The following COL5A1 variants were observed in gnomAD, a reference collection of about 807,000 sequenced individuals.
The protein encoded by COL5A1 is collagen alpha-1(V) chain.
Under a neutral mutation model 263.7 loss-of-function variants are expected in COL5A1, and 16 were observed. That is an observed-to-expected ratio of 0.06 (90% CI 0.04 to 0.09). The LOEUF is 0.09. Ranked by LOEUF, COL5A1 falls within the 10% of genes least tolerant of loss-of-function variation. The pLI, the probability that COL5A1 is intolerant of heterozygous loss-of-function variation, is 1.00. For synonymous variants in COL5A1, 1,012 were observed against 1,004.5 expected (o/e 1.01, Z -0.14); for missense variants, 2,036 against 2,540.5 (o/e 0.80, Z 4.27).
At position 134,754,054 on chromosome 9, in the gene COL5A1, C is replaced by A. The variant is rs979525945; in HGVS notation, c.1773+151C>A. On this transcript the variant is annotated intron_variant, in intron 15 of 65. Transcript: ENST00000371817. The surrounding 1 kb of genome is among the most constrained non-coding windows in gnomAD (Gnocchi z 4.3). ...TTTACGCAGTGCTGAGGGTGGAGCA[C>A]AATGAACTCTGACACCTGCGGCAGA... 6.0e-6 allele frequency: 5 copies of A among 828,152 alleles called. No homozygotes were observed. Among genetic ancestry groups the A allele is most frequent in the Non-Finnish European group, 1.0e-5 (5 of 498,376 alleles). The allele number at this position is 828,152 out of a possible 1,614,324, so 51.3% of individuals were successfully genotyped here. A position where few individuals can be genotyped will look rare whatever the true frequency, so the allele number is the denominator to read the frequency against.
intron 18 of COL5A1, among the ~76,000 whole-genome samples, chr9:134,759,764 CG>C (rs1564438683): frequency 2.0e-5 from 2 of 98,100 alleles, no homozygotes; most frequent in Admixed American, 1.1e-4. Flanking sequence ...CACACACCCA[CG>C]CACCCCCACA....
At chr9:134,830,441 C>G (rs995236679) in intron 64 of COL5A1, 2 of 560,604 alleles carry the variant, frequency 3.6e-6, no homozygotes, top group Non-Finnish European at 6.4e-6. Flanking sequence ...GGGCCCCAGC[C>G]TGAGCTGATC....
chr9:134,676,846 AT>A (rs1832699551), intron 1 of COL5A1, among the ~76,000 whole-genome samples: 1 of 151,912 alleles, frequency 6.6e-6, no homozygotes, highest in South Asian at 2.1e-4. Context: ...TCCTTTGGTT[AT>A]TTTTTCCTTT....
chr9:134,760,507 C>A (rs572172594), intron 18 of COL5A1, among the ~76,000 whole-genome samples: 1 of 115,658 alleles, frequency 8.6e-6, no homozygotes, highest in Non-Finnish European at 1.7e-5. Flanking sequence ...CATGCACACA[C>A]GCATACACAC....
chr9:134,667,468 G>A (rs949427647), intron 1 of COL5A1, among the ~76,000 whole-genome samples: 1 of 152,172 alleles, frequency 6.6e-6, no homozygotes, highest in Non-Finnish European at 1.5e-5. Flanking sequence ...GCTTGGAAGT[G>A]GTGTGGCCGG....
At chr9:134,788,307 G>A (rs1029361063) in intron 31 of COL5A1, among the ~76,000 whole-genome samples, 6 of 150,060 alleles carry the variant, frequency 4.0e-5, no homozygotes, top group African/African-American at 7.4e-5. Flanking sequence ...TAGACAGGTC[G>A]ATGAATGGAG....
intron 4 of COL5A1, among the ~76,000 whole-genome samples, chr9:134,723,874 G>T (rs1374252876): frequency 6.6e-6 from 1 of 152,220 alleles, no homozygotes. Flanking sequence ...TGTTGGGTGG[G>T]CTTGGGGAGG....
chr9:134,736,814 G>A (rs1244791187), intron 9 of COL5A1, among the ~76,000 whole-genome samples: 1 of 152,218 alleles, frequency 6.6e-6, no homozygotes. Flanking sequence ...GTGATGGGGA[G>A]GGGGACAGGT....
At chr9:134,798,545 C>T in intron 37 of COL5A1, 84 bp downstream of exon 37, 1 of 1,321,068 alleles carries the variant, frequency 7.6e-7, no homozygotes, top group Non-Finnish European at 1.1e-6. Flanking sequence ...TGCCCAGCGC[C>T]ATCTAGGACC....
At chr9:134,643,245 T>C (rs1386523173) in intron 1 of COL5A1, among the ~76,000 whole-genome samples, 1 of 151,534 alleles carries the variant, frequency 6.6e-6, no homozygotes, top group East Asian at 2.0e-4. Context: ...TCACAGACTC[T>C]CGAACATCAG....
At chr9:134,815,733 A>T (rs1838721450) in intron 51 of COL5A1, 104 bp downstream of exon 51, 1 of 1,386,712 alleles carries the variant, frequency 7.2e-7, no homozygotes, top group East Asian at 2.4e-5. Context: ...ATGAACTCCC[A>T]CTGGGGCAGG....
Position 134,681,591 on chromosome 9 carries a change from T to TG in COL5A1, c.110-9318dup, listed in dbSNP as rs538891230. On this transcript the variant is annotated intron_variant, in intron 1 of 65. Coordinates refer to ENST00000371817, the MANE Select transcript of COL5A1 (RefSeq NM_000093.5). The surrounding 1 kb of genome is among the most constrained non-coding windows in gnomAD (Gnocchi z 4.3). ...ACTGGCTCCAGAGTGGAATAGCGCT[T>TG]GGGACTGGGGTGGACTGGGCACTGA... 2.9e-3 allele frequency among the ~76,000 whole-genome samples: 441 copies of TG among 152,202 alleles called. 18 individuals carry two copies. The South Asian group carries it at 0.068, about 23-fold the overall frequency.
rs777625241 is a variant in COL5A1, at chr9:134,700,037, C to T, written c.406C>T (p.Pro136Ser). 73 of 1,613,474 alleles carry T rather than the reference C, an allele frequency of 4.5e-5. No homozygotes were observed. Among genetic ancestry groups the T allele is most frequent in the Non-Finnish European group, 5.9e-5 (70 of 1,180,040 alleles). The change falls in exon 3 of 66, where the codon CCC (proline) becomes TCC (serine). Residue 136 changes from proline (P) to serine (S), a missense_variant. Transcript: ENST00000371817. The surrounding 1 kb of genome is among the most constrained non-coding windows in gnomAD (Gnocchi z 4.0). ...QQIGLELGRS[P>S]VFLYEDHTGK... The stretch of plus-strand genomic sequence containing the variant: ...GATTGGGCTGGAGCTGGGCCGCTCT[C>T]CCGTCTTCCTCTACGAGGACCACAC...
At chr9:134,810,699 C>G (rs1838490865) in intron 44 of COL5A1, among the ~76,000 whole-genome samples, 1 of 152,208 alleles carries the variant, frequency 6.6e-6, no homozygotes, top group Non-Finnish European at 1.5e-5. Context: ...TTCATCTGTT[C>G]AGAAATCCTA....
At chr9:134,676,781 G>T (rs1832698751) in intron 1 of COL5A1, among the ~76,000 whole-genome samples, 1 of 152,192 alleles carries the variant, frequency 6.6e-6, no homozygotes, top group South Asian at 2.1e-4. Context: ...TTTGCTCTTT[G>T]GTTGGGTCAT....
At chr9:134,796,517 G>A (rs181244018) in intron 35 of COL5A1, 99 bp downstream of exon 35, 56 of 1,248,018 alleles carry the variant, frequency 4.5e-5, no homozygotes, top group South Asian at 1.4e-4. Context: ...AGGGAGGCAC[G>A]CCTCAGACCC....
chr9:134,708,307 C>T (rs73664108), intron 4 of COL5A1, among the ~76,000 whole-genome samples: 2,603 of 152,268 alleles, frequency 0.017, 59 homozygotes, highest in East Asian at 0.095. Context: ...GGCCAGGTGT[C>T]CCTCTGCCAG....
At chr9:134,749,240 A>G (rs977905256) in intron 11 of COL5A1, among the ~76,000 whole-genome samples, 1 of 152,136 alleles carries the variant, frequency 6.6e-6, no homozygotes, top group Non-Finnish European at 1.5e-5. Flanking sequence ...GTCTCAAAAC[A>G]AAACAAAAAA....
Position 134,785,109 on chromosome 9 carries a change from G to C in COL5A1, c.2592+13G>C. 6.2e-7 allele frequency: 1 copy of C among 1,602,558 alleles called. No individual in the cohort carries two copies. The highest frequency in any genetic ancestry group is 1.7e-4 in the Middle Eastern group (1 of 6,032). ...CCCTGGGGAGAAGGTTTGTGATGTG[G>C]GACGTTCAGCCACTTTCTTGGGAGG... On this transcript the variant is annotated intron_variant, in intron 30 of 65. Coordinates refer to ENST00000371817, the MANE Select transcript of COL5A1 (RefSeq NM_000093.5).
Sources: allele counts gnomAD v4.1 joint callset (sites outside exome capture counted in the v4.1 genomes callset), GRCh38; gene constraint gnomAD v4.1.1; non-coding constraint Gnocchi (gnomAD v3.1); transcripts MANE v1.5; gene names NCBI Gene and HGNC (gene_info 2026-07-23, HGNC 2026-07-21).